The following S100Z variants were observed in gnomAD, a reference collection of about 807,000 sequenced individuals.
The protein encoded by S100Z is S100 calcium binding protein Z, also known as protein S100-Z.
A neutral mutation model predicts 8.5 loss-of-function variants in S100Z; 11 were observed. That is an observed-to-expected ratio of 1.30 (90% CI 0.82 to 2.15). The LOEUF (loss-of-function observed/expected upper bound fraction) is 2.15. S100Z is among the 30% of genes most tolerant of loss of function. S100Z has a pLI of 0.00. For missense variants in S100Z, 126 were observed against 117.9 expected, an observed-to-expected ratio of 1.07 and a Z score of -0.32; for synonymous variants, 34 against 43.8, an observed-to-expected ratio of 0.78 and a Z score of 0.89.
intron 1 of S100Z, among the ~76,000 whole-genome samples, chr5:76,855,622 T>C (rs1286925095): frequency 6.6e-6 from 1 of 152,234 alleles, no homozygotes; most frequent in Non-Finnish European, 1.5e-5. Flanking sequence ...ATACCCCCAG[T>C]TGTATCTTGG....
chr5:76,908,917 T>C (rs1016242926), intron 4 of S100Z, among the ~76,000 whole-genome samples: 2 of 152,194 alleles, frequency 1.3e-5, no homozygotes, highest in African/African-American at 4.8e-5. Context: ...TCAGTCCTTC[T>C]TGTGGTCTAG....
Position 76,897,430 on chromosome 5 carries a change from G to A in S100Z, c.*2+19596G>A, listed in dbSNP as rs546619767. Among the ~76,000 whole-genome samples the A allele has an allele frequency of 1.1e-3, 163 of 151,334 alleles. 1 individual carries two copies. Among genetic ancestry groups the A allele is most frequent in the Admixed American group, 2.0e-3 (30 of 15,222 alleles). On this transcript the variant is annotated intron_variant, in intron 4 of 4. Transcript: ENST00000317593. ...TGCACTCCAGCCTGGGCGACAGAGC[G>A]AGACTCTGTCTCAAAAAAAATAATA...
At chr5:76,942,364 G>A in the S100Z span, among the ~76,000 whole-genome samples, 8 of 144,374 alleles carry the variant, frequency 5.5e-5, no homozygotes, top group African/African-American at 7.9e-5. Context: ...CACCTGCCTC[G>A]GCCTCTGAAA....
intron 3 of S100Z, among the ~76,000 whole-genome samples, chr5:76,877,168 C>T (rs1003805256): frequency 4.6e-5 from 7 of 152,130 alleles, no homozygotes; most frequent in African/African-American, 1.7e-4. Context: ...TTTGCTAAAT[C>T]TAGCGACCCT....
chr5:76,861,343 A>ATT (rs10568349), intron 1 of S100Z, among the ~76,000 whole-genome samples: 2 of 148,038 alleles, frequency 1.4e-5, no homozygotes, highest in Admixed American at 6.7e-5. Context: ...AAAAGCCAGG[A>ATT]TTTTTTTTTT....
chr5:76,950,500 G>A, the S100Z span, among the ~76,000 whole-genome samples: 1 of 152,056 alleles, frequency 6.6e-6, no homozygotes, highest in African/African-American at 2.4e-5. Context: ...TTTGCTCTGG[G>A]GCTTTGTGAA....
At chr5:76,882,339 T>C (rs1487018588) in intron 4 of S100Z, among the ~76,000 whole-genome samples, 1 of 152,164 alleles carries the variant, frequency 6.6e-6, no homozygotes, top group African/African-American at 2.4e-5. Context: ...CCAGCTCTTG[T>C]GTAAAAATTC....
downstream of S100Z, chr5:76,921,772 G>C (rs957682389): frequency 1.3e-5 from 2 of 152,174 alleles, no homozygotes; most frequent in African/African-American, 2.4e-5. Flanking sequence ...CGGATCACTT[G>C]AGGTCAGGAG....
intron 2 of S100Z, among the ~76,000 whole-genome samples, chr5:76,872,538 G>A (rs1234214131): frequency 6.6e-6 from 1 of 152,016 alleles, no homozygotes; most frequent in Non-Finnish European, 1.5e-5. Flanking sequence ...ACATGTGCCT[G>A]TTGTCCCAGC....
At chr5:76,884,461 C>T (rs1400492224) in intron 4 of S100Z, among the ~76,000 whole-genome samples, 1 of 152,068 alleles carries the variant, frequency 6.6e-6, no homozygotes, top group East Asian at 1.9e-4. Context: ...CCCATTCATC[C>T]GGGGAGAGGG....
At chr5:76,872,053 A>G (rs1254509116) in intron 2 of S100Z, among the ~76,000 whole-genome samples, 2 of 152,086 alleles carry the variant, frequency 1.3e-5, no homozygotes, top group Admixed American at 6.6e-5. Flanking sequence ...CTTGGGCAGC[A>G]TAGTGAGACC....
intron 4 of S100Z, among the ~76,000 whole-genome samples, chr5:76,881,125 C>A (rs570890718): frequency 6.6e-6 from 1 of 152,288 alleles, no homozygotes; most frequent in Non-Finnish European, 1.5e-5. Flanking sequence ...CACTGAAGAA[C>A]TTCTATCCAC....
the S100Z span, among the ~76,000 whole-genome samples, chr5:76,926,691 G>A: frequency 6.6e-6 from 1 of 152,206 alleles, no homozygotes; most frequent in Non-Finnish European, 1.5e-5. Flanking sequence ...ACAGAAAGAT[G>A]AGAAAGCAAA....
chr5:76,948,316 A>C, the S100Z span, among the ~76,000 whole-genome samples: 1 of 149,804 alleles, frequency 6.7e-6, no homozygotes, highest in Non-Finnish European at 1.5e-5. Context: ...ACAGAGTGAG[A>C]CTCTGTCTCT....
intron 4 of S100Z, among the ~76,000 whole-genome samples, chr5:76,913,638 T>C (rs536825159): frequency 1.3e-5 from 2 of 152,334 alleles, no homozygotes; most frequent in Non-Finnish European, 2.9e-5. Flanking sequence ...CCACACACTC[T>C]CAAAGGATTT....
intron 4 of S100Z, among the ~76,000 whole-genome samples, chr5:76,896,514 G>A (rs879260152): frequency 4.4e-5 from 5 of 113,252 alleles, no homozygotes. Flanking sequence ...GTTTCTCTTT[G>A]ATATATTGAT....
At chr5:76,872,799 A>G (rs1001257838) in intron 2 of S100Z, among the ~76,000 whole-genome samples, 10 of 152,140 alleles carry the variant, frequency 6.6e-5, no homozygotes, top group African/African-American at 2.4e-4. Context: ...CATCTCTACT[A>G]CAAATACAAA....
intron 4 of S100Z, among the ~76,000 whole-genome samples, chr5:76,894,338 TAA>T (rs1270953459): frequency 6.6e-6 from 1 of 152,228 alleles, no homozygotes; most frequent in East Asian, 1.9e-4. Context: ...CATGCTTCCC[TAA>T]AATGTATAAA....
the S100Z span, among the ~76,000 whole-genome samples, chr5:76,934,813 A>G: frequency 1.3e-5 from 2 of 152,188 alleles, no homozygotes; most frequent in Non-Finnish European, 2.9e-5. Context: ...TCTATTGTTT[A>G]TAAATTACCC....
Sources: gnomAD v4.1 joint callset for allele counts (sites outside exome capture counted in the v4.1 genomes callset) on GRCh38, gnomAD v4.1.1 for gene constraint, MANE v1.5 for transcripts, NCBI Gene and HGNC (gene_info 2026-07-23, HGNC 2026-07-21) for gene names.